Variants in PDE7A observed in about 807,000 individuals in gnomAD.
PDE7A encodes the protein high affinity 3',5'-cyclic-AMP phosphodiesterase 7A.
Under a neutral mutation model 64.3 loss-of-function variants are expected in PDE7A, and 39 were observed. The ratio of observed to expected loss-of-function variants is 0.61; its 90% CI spans 0.47 to 0.79. The LOEUF (loss-of-function observed/expected upper bound fraction) is 0.79, where lower values mean the gene tolerates loss of function less well. Among genes scored for constraint, PDE7A ranks in the 30% least tolerant of loss-of-function variants. The probability of loss-of-function intolerance (pLI) is 0.00; values close to 1 mark genes in which losing one functional copy is unlikely to be tolerated. For missense variants in PDE7A, 470 were observed against 582.8 expected (o/e 0.81, Z 1.99); for synonymous variants, 203 against 206.8 (o/e 0.98, Z 0.16).
intron 1 of PDE7A, among the ~76,000 whole-genome samples, chr8:65,796,412 T>C (rs1013072151): frequency 1.4e-4 from 21 of 151,954 alleles, no homozygotes; most frequent in African/African-American, 4.3e-4. Flanking sequence ...AATAAAACCA[T>C]AGACTAATAT....
At chr8:65,815,196 A>C (rs1810370053) in intron 1 of PDE7A, among the ~76,000 whole-genome samples, 1 of 152,208 alleles carries the variant, frequency 6.6e-6, no homozygotes, top group Non-Finnish European at 1.5e-5. Context: ...GTTTTAAATT[A>C]AATACATAGT....
chr8:65,797,636 A>C (rs1266337129), intron 1 of PDE7A, among the ~76,000 whole-genome samples: 6 of 152,212 alleles, frequency 3.9e-5, no homozygotes, highest in Admixed American at 3.9e-4. Flanking sequence ...GGAAGACTCA[A>C]TACTGTCAAT....
chr8:65,776,412 C>T (rs1263255918), intron 3 of PDE7A, among the ~76,000 whole-genome samples: 4 of 152,074 alleles, frequency 2.6e-5, no homozygotes, highest in African/African-American at 9.7e-5. Context: ...CATTCTTCTT[C>T]CTAATTGTCT....
rs563301932 is a variant in PDE7A, at chr8:65,840,644, T to C, written c.138+727A>G. The stretch of plus-strand genomic sequence containing the variant: ...ATCAAAATTAGCCAAACCTAAGGAA[T>C]TGGGCCAACGGCATCACCACAGGAA... On this transcript the variant is annotated intron_variant, in intron 1 of 12. Coordinates refer to ENST00000401827, the MANE Select transcript of PDE7A (RefSeq NM_001242318.3). Among the ~76,000 whole-genome samples the C allele has an allele frequency of 9.8e-4, 149 of 152,344 alleles. 1 individual carries two copies. In the South Asian group the frequency reaches 0.026, roughly 27 times the overall value.
At chr8:65,814,277 C>A (rs546905019) in intron 1 of PDE7A, among the ~76,000 whole-genome samples, 34 of 151,726 alleles carry the variant, frequency 2.2e-4, no homozygotes, top group Non-Finnish European at 4.1e-4. Flanking sequence ...TTTGGGAGGC[C>A]GAGGCGGGCG....
At chr8:65,832,393 C>T (rs185167176) in intron 1 of PDE7A, among the ~76,000 whole-genome samples, 8 of 152,156 alleles carry the variant, frequency 5.3e-5, no homozygotes, top group Middle Eastern at 3.4e-3. Context: ...TGAAGATTAA[C>T]CTTTATCTAC....
At position 65,714,896 on chromosome 8, in the gene PDE7A, T is replaced by C. The variant is rs1204825725; in HGVS notation, c.*4394A>G. The C allele has an allele frequency of 2.0e-5, 3 of 152,228 alleles. No homozygotes were observed. Among genetic ancestry groups the C allele is most frequent in the East Asian group, 3.8e-4 (2 of 5,198 alleles). 9.4% of individuals were successfully genotyped at this position (152,228 alleles called of 1,614,324 possible). A position where few individuals can be genotyped will look rare whatever the true frequency, so the allele number is the denominator to read the frequency against. ...ATTTGTTTGCAAAGGACATAAAATA[T>C]GATTTTTACTTTTATACAGAGTATC... On this transcript the variant is annotated 3_prime_UTR_variant, in exon 13 of 13. Transcript: ENST00000401827.
rs148818295 is a variant in PDE7A at position 65,747,713 on chromosome 8, C to A, written c.374G>T (p.Arg125Leu). Reference sequence around the variant, plus strand: ...TAGGGAATTTGAAACCGCAGTACCACGAAAAAAGCGTGAAGATCTAAGATA... The same window carrying A: ...TAGGGAATTTGAAACCGCAGTACCAAGAAAAAAGCGTGAAGATCTAAGATA... The part of the protein sequence containing the change: ...QRYLRSSRFF[R>L]GTAVSNSLNI... Residue 125 changes from arginine to leucine, a missense_variant, in exon 4 of 13, where the codon CGT becomes CTT. Transcript: ENST00000401827. 92 of 1,611,288 alleles carry A rather than the reference C, an allele frequency of 5.7e-5. No individual in the cohort carries two copies. Among genetic ancestry groups the A allele is most frequent in the Non-Finnish European group, 7.2e-5 (85 of 1,177,996 alleles).
intron 5 of PDE7A, among the ~76,000 whole-genome samples, chr8:65,743,950 A>G (rs1291685391): frequency 6.6e-6 from 1 of 151,930 alleles, no homozygotes; most frequent in East Asian, 1.9e-4. Context: ...CTCCTGCCTC[A>G]GCCTCCCATG....
At chr8:65,785,765 T>C (rs1809536958) in intron 1 of PDE7A, among the ~76,000 whole-genome samples, 1 of 152,170 alleles carries the variant, frequency 6.6e-6, no homozygotes, top group Non-Finnish European at 1.5e-5. Context: ...GATAAATAAC[T>C]TGTTAAAATA....
intron 1 of PDE7A, among the ~76,000 whole-genome samples, chr8:65,787,516 A>G (rs1315389923): frequency 6.6e-6 from 1 of 152,202 alleles, no homozygotes; most frequent in Non-Finnish European, 1.5e-5. Flanking sequence ...TTGAGTGCCT[A>G]AAGTATTCAA....
intron 3 of PDE7A, among the ~76,000 whole-genome samples, chr8:65,763,884 A>C (rs137952174): frequency 7.7e-4 from 118 of 152,354 alleles, no homozygotes; most frequent in African/African-American, 2.7e-3. Context: ...ATTAAGGTCC[A>C]ATACGTATCG....
chr8:65,829,277 G>T (rs1023713232), intron 1 of PDE7A, among the ~76,000 whole-genome samples: 2 of 152,050 alleles, frequency 1.3e-5, no homozygotes, highest in Admixed American at 6.6e-5. Context: ...AGGTTAAGTT[G>T]CACATAAATC....
intron 1 of PDE7A, among the ~76,000 whole-genome samples, chr8:65,834,923 T>C (rs1810917533): frequency 6.6e-6 from 1 of 152,198 alleles, no homozygotes; most frequent in South Asian, 2.1e-4. Flanking sequence ...CTAGTTTTTG[T>C]TCCTCTCCTC....
intron 1 of PDE7A, among the ~76,000 whole-genome samples, chr8:65,787,016 A>G (rs1809576307): frequency 6.6e-6 from 1 of 152,232 alleles, no homozygotes. Flanking sequence ...TAAATGATAA[A>G]AGGTGTAAAA....
chr8:65,744,710 CAA>C (rs1472034169), intron 5 of PDE7A, among the ~76,000 whole-genome samples: 1 of 151,880 alleles, frequency 6.6e-6, no homozygotes, highest in Non-Finnish European at 1.5e-5. Flanking sequence ...TAAAAGAAAC[CAA>C]AAAATAAAAA....
intron 3 of PDE7A, among the ~76,000 whole-genome samples, chr8:65,749,209 CT>C (rs1292022797): frequency 6.6e-6 from 1 of 152,202 alleles, no homozygotes; most frequent in Non-Finnish European, 1.5e-5. Context: ...CAAATGATGA[CT>C]TTCAGAACAG....
intron 3 of PDE7A, among the ~76,000 whole-genome samples, chr8:65,761,381 A>G (rs545283113): frequency 1.3e-5 from 2 of 152,274 alleles, no homozygotes; most frequent in East Asian, 3.9e-4. Context: ...CAATATTCTC[A>G]TGAGCTCACT....
intron 3 of PDE7A, among the ~76,000 whole-genome samples, chr8:65,757,952 T>TCAATTTATAACCC (rs1808315338): frequency 6.6e-6 from 1 of 152,198 alleles, no homozygotes; most frequent in Non-Finnish European, 1.5e-5. Context: ...TTGATTTCCC[T>TCAATTTATAACCC]CAATTTATAA....
Sources: allele counts gnomAD v4.1 joint callset (sites outside exome capture counted in the v4.1 genomes callset), GRCh38; gene constraint gnomAD v4.1.1; transcripts MANE v1.5; gene names NCBI Gene and HGNC (gene_info 2026-07-23, HGNC 2026-07-21).